The following MRNIP variants were observed in gnomAD, a reference collection of about 807,000 sequenced individuals.
The protein encoded by MRNIP is MRN complex interacting protein.
A neutral mutation model predicts 29.8 loss-of-function variants in MRNIP; 30 were observed. The ratio of observed to expected loss-of-function variants is 1.01; its 90% CI spans 0.75 to 1.36. MRNIP has a LOEUF of 1.36. MRNIP is among the 40% of genes most tolerant of loss of function. The pLI, the probability that MRNIP is intolerant of heterozygous loss-of-function variation, is 0.00. For missense variants in MRNIP, 459 were observed against 423.5 expected (o/e 1.08, Z -0.74); for synonymous variants, 201 against 164.1 (o/e 1.23, Z -1.72).
At chr5:179,856,857 G>C (rs2113578698) in intron 1 of MRNIP, among the ~76,000 whole-genome samples, 1 of 151,920 alleles carries the variant, frequency 6.6e-6, no homozygotes, top group African/African-American at 2.4e-5. Flanking sequence ...TGGGAGCTAA[G>C]GCGGGAAGAA....
rs1230135831 is a variant in MRNIP at position 179,837,776 on chromosome 5, C to T, written c.647G>A (p.Trp216Ter). 2 of 1,614,236 alleles carry T rather than the reference C, an allele frequency of 1.2e-6. No individual in the cohort carries two copies. The highest frequency in any genetic ancestry group is 1.7e-5 in the Admixed American group (1 of 60,032). The change falls in exon 7 of 7, where the codon TGG (tryptophan) becomes TAG (stop). Residue 216 changes from tryptophan (W) to a stop codon, truncating the protein, a stop_gained. Transcript: ENST00000292586. LOFTEE classifies it low-confidence loss of function (END_TRUNC). ...GELRGPGKEL[W>*]SPIQQVTATS... ...GGCTGTAACCTGCTGGATGGGACTC[C>T]ATAGCTCCTTCCCAGGACCCCTCAG...
chr5:179,847,087 C>T (rs1325826401), intron 3 of MRNIP: 3 of 149,802 alleles, frequency 2.0e-5, no homozygotes, highest in Admixed American at 1.3e-4. Flanking sequence ...GTTAGTGACA[C>T]TAATGTTAAT....
intron 1 of MRNIP, among the ~76,000 whole-genome samples, chr5:179,854,184 C>A (rs1232244621): frequency 2.0e-5 from 3 of 151,812 alleles, no homozygotes; most frequent in Non-Finnish European, 2.9e-5. Context: ...CCACGCCTGG[C>A]TAATTTTTTG....
chr5:179,841,767 G>A, intron 5 of MRNIP, 140 bp downstream of exon 5: 3 of 867,424 alleles, frequency 3.5e-6, no homozygotes, highest in Non-Finnish European at 3.6e-6. Flanking sequence ...AGTGGCAGCA[G>A]CTGCCCGATT....
intron 1 of MRNIP, among the ~76,000 whole-genome samples, chr5:179,854,978 T>C (rs944021153): frequency 6.6e-6 from 1 of 152,166 alleles, no homozygotes; most frequent in African/African-American, 2.4e-5. Flanking sequence ...CTGGATGTAC[T>C]AGCCAATGGA....
chr5:179,850,479 G>A (rs1044941729), intron 2 of MRNIP, among the ~76,000 whole-genome samples: 2 of 152,186 alleles, frequency 1.3e-5, no homozygotes, highest in South Asian at 2.1e-4. Context: ...TTGATGTCCC[G>A]TGAGCACAGA....
At chr5:179,852,299 A>AC (rs1371525309) in intron 2 of MRNIP, among the ~76,000 whole-genome samples, 3 of 151,716 alleles carry the variant, frequency 2.0e-5, no homozygotes, top group Admixed American at 6.6e-5. Context: ...AAAAAAAAAA[A>AC]CCCCAAAAAA....
intron 2 of MRNIP, chr5:179,851,124 C>A: frequency 4.6e-6 from 2 of 431,952 alleles, no homozygotes; most frequent in Non-Finnish European, 4.7e-6. Flanking sequence ...GTCAGCCATA[C>A]ACCACATACC....
chr5:179,840,690 GA>G, intron 6 of MRNIP, 181 bp downstream of exon 6: 4 of 614,904 alleles, frequency 6.5e-6, no homozygotes, highest in Admixed American at 5.3e-5. Flanking sequence ...GCATGGGAGG[GA>G]AAAGGGGGTA....
At chr5:179,854,847 G>A (rs1274807168) in intron 1 of MRNIP, among the ~76,000 whole-genome samples, 2 of 152,120 alleles carry the variant, frequency 1.3e-5, no homozygotes, top group Non-Finnish European at 2.9e-5. Flanking sequence ...CTGACTAGAT[G>A]TGTTCTCTCT....
intron 2 of MRNIP, among the ~76,000 whole-genome samples, chr5:179,851,777 C>G (rs538056622): frequency 5.0e-4 from 76 of 152,034 alleles, no homozygotes; most frequent in East Asian, 1.7e-3. Flanking sequence ...AGGAGATTGA[C>G]ACCATCCTGG....
rs189524017 is a variant in MRNIP, at chr5:179,844,936, T to C, written c.216-709A>G. ...TTATCCAGTTTGGGATTTACTGTGT[T>C]TCCTTAATCTAAAAATGTTATGTCT... On this transcript the variant is annotated intron_variant, in intron 3 of 6. Transcript: ENST00000292586. Among the ~76,000 whole-genome samples the C allele has an allele frequency of 1.9e-4, 29 of 152,302 alleles. 1 individual carries two copies. In the East Asian group the frequency reaches 5.6e-3, roughly 29 times the overall value.
intron 2 of MRNIP, 58 bp from the exon 3 acceptor site, chr5:179,848,124 G>C: frequency 7.4e-7 from 1 of 1,347,676 alleles, no homozygotes; most frequent in Non-Finnish European, 1.1e-6. Flanking sequence ...CTGAGAAACA[G>C]ATCCATTTGA....
intron 6 of MRNIP, 115 bp downstream of exon 6, chr5:179,840,757 A>C: frequency 1.3e-6 from 1 of 796,186 alleles, no homozygotes; most frequent in Non-Finnish European, 2.1e-6. Context: ...CCGGGTGGGA[A>C]GATGGGCTTT....
rs1554093601 is a variant in MRNIP at position 179,847,985 on chromosome 5, G to A, written c.208C>T (p.Pro70Ser). Residue 70 changes from proline (P) to serine (S), a missense_variant, in exon 3 of 7, where the codon CCA becomes TCA. By Grantham distance (74) the Pro-to-Ser change is moderately conservative. Coordinates refer to ENST00000292586, the MANE Select transcript of MRNIP (RefSeq NM_016175.4). ...CTTCTCAAACAACTGTACCTGAGTG[G>A]CAGCTCTGAAACTTGTCCCTGTAGT... The part of the protein sequence containing the change: ...NLLQGQVSEL[P>S]LRSLEETVSA... The A allele has an allele frequency of 1.2e-6, 2 of 1,607,840 alleles. No individual in the cohort carries two copies. The highest frequency in any genetic ancestry group is 3.4e-5 in the Admixed American group (2 of 59,642).
At position 179,843,211 on chromosome 5, in the gene MRNIP, G is replaced by A. The variant is rs571942671; in HGVS notation, c.291+941C>T. On this transcript the variant is annotated intron_variant, in intron 4 of 6. Coordinates refer to ENST00000292586, the MANE Select transcript of MRNIP (RefSeq NM_016175.4). ...AGACGTTGGGGCTCCAGTGAGCAGC[G>A]ATCATGCCTCCACACTCCAGCCTGG... 9.2e-5 allele frequency among the ~76,000 whole-genome samples: 14 copies of A among 152,140 alleles called. No individual in the cohort carries two copies. The East Asian group carries it at 1.5e-3, about 17-fold the overall frequency.
rs752454251 is a variant in MRNIP, at chr5:179,841,898, A to C, written c.449+9T>G. Reference sequence around the variant, plus strand: ...TGGGCCAGGGCTGGAACGGAGACGCACTTGGTACCTTTTTCTAGGCAGGTC... The same window carrying C: ...TGGGCCAGGGCTGGAACGGAGACGCCCTTGGTACCTTTTTCTAGGCAGGTC... On this transcript the variant is annotated intron_variant, in intron 5 of 6. Transcript: ENST00000292586. 11 of 1,613,204 alleles carry C rather than the reference A, an allele frequency of 6.8e-6. No individual in the cohort carries two copies. In the South Asian group the frequency reaches 1.2e-4, roughly 18 times the overall value.
rs1160470018 is a variant in MRNIP, at chr5:179,858,799, C to G, written c.-3G>C. The G allele has an allele frequency of 2.6e-6, 4 of 1,540,338 alleles. No homozygotes were observed. Among genetic ancestry groups the G allele is most frequent in the Non-Finnish European group, 3.5e-6 (4 of 1,144,170 alleles). Reference sequence around the variant, plus strand: ...CGAGAACGCTGAAGCGACGCCATCCCTGCTTGTGCAGTCGCCAGGCAGCCA... The same window carrying G: ...CGAGAACGCTGAAGCGACGCCATCCGTGCTTGTGCAGTCGCCAGGCAGCCA... On this transcript the variant is annotated 5_prime_UTR_variant, in exon 1 of 7. Transcript: ENST00000292586.
chr5:179,851,564 G>A (rs1049260535), intron 2 of MRNIP: 4 of 414,104 alleles, frequency 9.7e-6, no homozygotes, highest in African/African-American at 8.3e-5. Context: ...AGGGACCGGG[G>A]ATGAAGTTCT....
Sources: allele counts gnomAD v4.1 joint callset (sites outside exome capture counted in the v4.1 genomes callset), GRCh38; gene constraint gnomAD v4.1.1; transcripts MANE v1.5; gene names NCBI Gene and HGNC (gene_info 2026-07-23, HGNC 2026-07-21).